TENM2: variants seen among roughly 807,000 people sequenced by gnomAD.
The protein encoded by TENM2 is teneurin-2.
TENM2 carries 52 observed loss-of-function variants against 245.2 expected under a neutral mutation model. That is an observed-to-expected ratio of 0.21 (90% CI 0.17 to 0.27). The LOEUF is 0.27. Ranked by LOEUF, TENM2 falls within the 10% of genes least tolerant of loss-of-function variation. TENM2 has a pLI of 1.00. For synonymous variants in TENM2, 1,363 were observed against 1,438.9 expected (o/e 0.95, Z 1.19); for missense variants, 3,046 against 3,666.8 (o/e 0.83, Z 4.37).
intron 2 of TENM2, among the ~76,000 whole-genome samples, chr5:167,559,632 A>G (rs1773463408): frequency 6.6e-6 from 1 of 152,130 alleles, no homozygotes; most frequent in Admixed American, 6.5e-5. Flanking sequence ...TGTTAAATAC[A>G]TGCGTGGCCC....
chr5:167,630,879 T>C (rs1778821513), intron 2 of TENM2, among the ~76,000 whole-genome samples: 1 of 152,162 alleles, frequency 6.6e-6, no homozygotes, highest in Non-Finnish European at 1.5e-5. Context: ...TGAGGCAAAA[T>C]TATACAGAAG....
chr5:167,643,373 G>A (rs917885595), intron 2 of TENM2, among the ~76,000 whole-genome samples: 1 of 152,170 alleles, frequency 6.6e-6, no homozygotes, highest in Non-Finnish European at 1.5e-5. Flanking sequence ...GAATCATGCA[G>A]TATGCGGTCG....
intron 2 of TENM2, among the ~76,000 whole-genome samples, chr5:167,657,055 G>A (rs746332228): frequency 5.3e-5 from 8 of 151,118 alleles, no homozygotes; most frequent in Non-Finnish European, 7.4e-5. Context: ...ACACTTGAAC[G>A]TATTTCTTCC....
the TENM2 span, among the ~76,000 whole-genome samples, chr5:167,209,832 C>T: frequency 1.3e-5 from 2 of 152,168 alleles, no homozygotes; most frequent in African/African-American, 4.8e-5. Context: ...ATGCCTGATA[C>T]TTACAAGGCT....
At chr5:167,566,956 A>G (rs1161371688) in intron 2 of TENM2, among the ~76,000 whole-genome samples, 1 of 152,364 alleles carries the variant, frequency 6.6e-6, no homozygotes, top group East Asian at 1.9e-4. Context: ...TCAGCAGACA[A>G]AAACCAAAAT....
intron 1 of TENM2, among the ~76,000 whole-genome samples, chr5:167,336,044 T>C (rs948240358): frequency 1.3e-5 from 2 of 152,184 alleles, no homozygotes; most frequent in African/African-American, 4.8e-5. Context: ...AGTTTCCTTG[T>C]AATCCCATCT....
intron 2 of TENM2, among the ~76,000 whole-genome samples, chr5:167,742,058 A>C (rs2150595532): frequency 6.6e-6 from 1 of 152,300 alleles, no homozygotes; most frequent in Middle Eastern, 3.4e-3. Flanking sequence ...TATTGCCAAA[A>C]GAAATATCCT....
the TENM2 span, among the ~76,000 whole-genome samples, chr5:166,993,143 G>C: frequency 6.6e-6 from 1 of 152,058 alleles, no homozygotes; most frequent in African/African-American, 2.4e-5. Context: ...AATTCCCGTA[G>C]AGAGCTGTGG....
chr5:167,649,551 ACTGT>A lies in TENM2; in HGVS notation c.503-226432_503-226429del, dbSNP rs539970599. Among the ~76,000 whole-genome samples the A allele has an allele frequency of 5.1e-4, 77 of 152,256 alleles. 1 individual carries two copies. Among genetic ancestry groups the A allele is most frequent in the African/African-American group, 1.9e-3 (77 of 41,542 alleles). On this transcript the variant is annotated intron_variant, in intron 2 of 28. Transcript: ENST00000518659. ...CACACACACACAGAAGTCTTTTGAG[ACTGT>A]CTTTTTTTCTTATGTCATGGCCTAT...
At chr5:167,671,860 T>A (rs1024690255) in intron 2 of TENM2, among the ~76,000 whole-genome samples, 2 of 151,794 alleles carry the variant, frequency 1.3e-5, no homozygotes, top group Non-Finnish European at 2.9e-5. Context: ...TACATTCTGC[T>A]TGTAATATGG....
the TENM2 span, among the ~76,000 whole-genome samples, chr5:167,214,103 T>C: frequency 6.6e-6 from 1 of 152,250 alleles, no homozygotes; most frequent in Admixed American, 6.5e-5. Context: ...CCATTCCCAT[T>C]GTAGTCTACA....
At chr5:167,715,550 A>G (rs1759199476) in intron 2 of TENM2, among the ~76,000 whole-genome samples, 1 of 152,216 alleles carries the variant, frequency 6.6e-6, no homozygotes, top group Admixed American at 6.5e-5. Context: ...GAACAAAGAT[A>G]TGTTCAACAG....
rs1581549640 is a variant in TENM2 at position 168,179,116 on chromosome 5, C to T, written c.2570-11221C>T. On this transcript the variant is annotated intron_variant, in intron 13 of 28. Transcript: ENST00000518659. ...AGCCACTGCACCCCAGCCTGAGCAA[C>T]AGAGTGAGACTCTGCCTGAAAAAAA... is the stretch of plus-strand genomic sequence containing the variant. 3.5e-5 allele frequency among the ~76,000 whole-genome samples: 4 copies of T among 115,690 alleles called. No homozygotes were observed. The Admixed American group carries it at 4.8e-4, about 14-fold the overall frequency. The allele number at this position is 115,690 out of a possible 152,430, so 75.9% of individuals were successfully genotyped here.
intron 2 of TENM2, among the ~76,000 whole-genome samples, chr5:167,597,686 T>A (rs540956520): frequency 6.6e-6 from 1 of 152,350 alleles, no homozygotes; most frequent in East Asian, 1.9e-4. Flanking sequence ...TGTTATTACA[T>A]TATAATTAAG....
At position 167,963,293 on chromosome 5, in the gene TENM2, G is replaced by C. The variant is rs141312470; in HGVS notation, c.947+10471G>C. Among the ~76,000 whole-genome samples, 331 of 152,244 alleles carry C rather than the reference G, an allele frequency of 2.2e-3. 1 individual carries two copies. Among genetic ancestry groups the C allele is most frequent in the African/African-American group, 7.3e-3 (304 of 41,532 alleles). On this transcript the variant is annotated intron_variant, in intron 4 of 28. Transcript: ENST00000518659. ...GTTTTTCCATATAGTCTTAGCAATA[G>C]ATAATTGAATGAATTCCCTGATTCA... is the stretch of plus-strand genomic sequence containing the variant.
chr5:168,224,968 TGTG>T, intron 23 of TENM2, among the ~76,000 whole-genome samples: 1 of 152,130 alleles, frequency 6.6e-6, no homozygotes, highest in East Asian at 1.9e-4. Context: ...CTAAAGGTGA[TGTG>T]GGGAGAAAAC....
At chr5:167,147,904 G>A in the TENM2 span, among the ~76,000 whole-genome samples, 1 of 152,034 alleles carries the variant, frequency 6.6e-6, no homozygotes, top group South Asian at 2.1e-4. Flanking sequence ...CTTATTCTTG[G>A]AGTTAATGAA....
chr5:167,385,735 CT>C (rs1761390438), intron 2 of TENM2, among the ~76,000 whole-genome samples: 1 of 152,040 alleles, frequency 6.6e-6, no homozygotes, highest in South Asian at 2.1e-4. Flanking sequence ...TTAGCTCCCA[CT>C]TATAAGTGAG....
At position 167,445,170 on chromosome 5, in the gene TENM2, C is replaced by T. The variant is rs188766158; in HGVS notation, c.502+69697C>T. Among the ~76,000 whole-genome samples the T allele has an allele frequency of 2.8e-3, 419 of 151,964 alleles. 2 individuals carry two copies. Among genetic ancestry groups the T allele is most frequent in the African/African-American group, 9.5e-3 (394 of 41,438 alleles). ...ATCTTTTGATATCCCTACATTTCCC[C>T]ATTTAATGTGTAAATAAATAATACC... On this transcript the variant is annotated intron_variant, in intron 2 of 28. Transcript: ENST00000518659.
Sources: allele counts gnomAD v4.1 joint callset (sites outside exome capture counted in the v4.1 genomes callset), GRCh38; gene constraint gnomAD v4.1.1; transcripts MANE v1.5; gene names NCBI Gene and HGNC (gene_info 2026-07-23, HGNC 2026-07-21).